The following IQGAP2 variants were observed in gnomAD, a reference collection of about 807,000 sequenced individuals.
IQGAP2 encodes ras GTPase-activating-like protein IQGAP2.
IQGAP2 carries 173 observed loss-of-function variants against 201.3 expected under a neutral mutation model. The observed-to-expected ratio is 0.86, with a 90% CI of 0.76 to 0.98. IQGAP2 has a LOEUF of 0.98. IQGAP2 is among the 50% of genes least tolerant of loss of function. The pLI is 0.00. For missense variants in IQGAP2, 1,687 were observed against 1,864.8 expected (o/e 0.90, Z 1.76); for synonymous variants, 675 against 673.9 (o/e 1.00, Z -0.03).
chr5:76,511,686 G>GTTTTGT (rs371983527), intron 2 of IQGAP2, among the ~76,000 whole-genome samples: 1 of 141,330 alleles, frequency 7.1e-6, no homozygotes, highest in Non-Finnish European at 1.5e-5. Flanking sequence ...GTTTTGTTTT[G>GTTTTGT]TTTTTTTTTT....
At chr5:76,429,626 T>A (rs4585420) in intron 1 of IQGAP2, among the ~76,000 whole-genome samples, 104,074 of 142,978 alleles carry the variant, frequency 0.73, 40,625 homozygotes, top group Non-Finnish European at 0.87. Context: ...ATATATAAAT[T>A]TATATATATA....
intron 2 of IQGAP2, among the ~76,000 whole-genome samples, chr5:76,482,281 C>T (rs892747554): frequency 1.3e-5 from 2 of 152,214 alleles, no homozygotes; most frequent in African/African-American, 2.4e-5. Context: ...TAGCCTCTTG[C>T]TTTGTTCCTG....
At chr5:76,682,980 C>T in intron 28 of IQGAP2, 135 bp from the exon 29 acceptor site, 1 of 511,178 alleles carries the variant, frequency 2.0e-6, no homozygotes, top group Non-Finnish European at 3.5e-6. Flanking sequence ...ATCTATGTCT[C>T]TAATTTTTAT....
intron 2 of IQGAP2, among the ~76,000 whole-genome samples, chr5:76,531,008 G>A (rs1759257908): frequency 6.6e-6 from 1 of 152,124 alleles, no homozygotes; most frequent in African/African-American, 2.4e-5. Context: ...CTGACAGATG[G>A]GCTCTGTATT....
In IQGAP2 at chr5:76,438,644, T is replaced by C. The variant is rs955072008; in HGVS notation, c.47-22926T>C. On this transcript the variant is annotated intron_variant, in intron 1 of 35. Transcript: ENST00000274364. ...TTTTAGCAGAGATGGACTTTCACCATGTTGGCCAGGATGGTCTCAAACTCC... is the reference window on the plus strand; with the variant it reads ...TTTTAGCAGAGATGGACTTTCACCACGTTGGCCAGGATGGTCTCAAACTCC... Among the ~76,000 whole-genome samples, 33 of 152,114 alleles carry C rather than the reference T, an allele frequency of 2.2e-4. 1 individual carries two copies. Among genetic ancestry groups the C allele is most frequent in the African/African-American group, 8.0e-4 (33 of 41,424 alleles).
chr5:76,411,205 T>C (rs565105944), intron 1 of IQGAP2, among the ~76,000 whole-genome samples: 1 of 152,224 alleles, frequency 6.6e-6, no homozygotes, highest in African/African-American at 2.4e-5. Context: ...TTCTGATATA[T>C]AGTTACTCTT....
intron 17 of IQGAP2, among the ~76,000 whole-genome samples, chr5:76,651,137 A>T (rs1273469642): frequency 2.0e-5 from 3 of 152,128 alleles, no homozygotes; most frequent in African/African-American, 7.2e-5. Flanking sequence ...TCCCAAAATT[A>T]CTCTGACTAC....
rs192645922 is a variant in IQGAP2, at chr5:76,595,224, G to T, written c.908-2215G>T. Among the ~76,000 whole-genome samples, 61 of 142,528 alleles carry T rather than the reference G, an allele frequency of 4.3e-4. No homozygotes were observed. In the Middle Eastern group the frequency reaches 0.016, roughly 37 times the overall value. 93.5% of individuals were successfully genotyped at this position (142,528 alleles called of 152,430 possible). Reference sequence around the variant, plus strand: ...ATATTTTCTGTTAAGATCAGAGCTGGACATTTTGCATTTCTTTGCTTTTTT... The same window carrying T: ...ATATTTTCTGTTAAGATCAGAGCTGTACATTTTGCATTTCTTTGCTTTTTT... On this transcript the variant is annotated intron_variant, in intron 9 of 35. Transcript: ENST00000274364.
intron 10 of IQGAP2, among the ~76,000 whole-genome samples, chr5:76,600,075 G>T (rs571127988): frequency 6.6e-6 from 1 of 152,106 alleles, no homozygotes; most frequent in African/African-American, 2.4e-5. Flanking sequence ...TTGAACCTGG[G>T]AGGCGGAGGC....
At chr5:76,416,163 A>G (rs1751394314) in intron 1 of IQGAP2, among the ~76,000 whole-genome samples, 1 of 152,176 alleles carries the variant, frequency 6.6e-6, no homozygotes, top group South Asian at 2.1e-4. Context: ...TATAAGGTGG[A>G]ATTTACATAG....
rs11390573 is a variant in IQGAP2, at chr5:76,547,618, T to TA, written c.147-14777dup. Among the ~76,000 whole-genome samples, 851 of 152,330 alleles carry TA rather than the reference T, an allele frequency of 5.6e-3. 6 individuals are homozygous for TA. The highest frequency in any genetic ancestry group is 0.018 in the East Asian group (92 of 5,188). Reference sequence around the variant, plus strand: ...TCTGCTTCATCAAGTCTTAAGTTGTTATTTAGACCAAAATGTATGCGTAAG... The same window carrying TA: ...TCTGCTTCATCAAGTCTTAAGTTGTTAATTTAGACCAAAATGTATGCGTAAG... On this transcript the variant is annotated intron_variant, in intron 2 of 35. Coordinates refer to ENST00000274364, the MANE Select transcript of IQGAP2 (RefSeq NM_006633.5).
intron 11 of IQGAP2, among the ~76,000 whole-genome samples, chr5:76,601,313 T>G (rs1359169363): frequency 6.6e-6 from 1 of 152,220 alleles, no homozygotes. Flanking sequence ...GAAGCAACTT[T>G]AATAATCATC....
chr5:76,590,239 T>C (rs79151001), intron 7 of IQGAP2, among the ~76,000 whole-genome samples, 169 bp from the exon 8 acceptor site: 2,679 of 152,312 alleles, frequency 0.018, 64 homozygotes, highest in African/African-American at 0.056. Context: ...GACAGCCATG[T>C]GGAGAGGTTG....
chr5:76,555,654 A>T (rs899661887), intron 2 of IQGAP2, among the ~76,000 whole-genome samples: 1 of 152,200 alleles, frequency 6.6e-6, no homozygotes, highest in African/African-American at 2.4e-5. Context: ...AAGGTTCAGT[A>T]GTGTAGGCTG....
In IQGAP2 at chr5:76,410,813, C is replaced by T. The variant is rs143270150; in HGVS notation, c.46+7222C>T. On this transcript the variant is annotated intron_variant, in intron 1 of 35. Coordinates refer to ENST00000274364, the MANE Select transcript of IQGAP2 (RefSeq NM_006633.5). Reference sequence around the variant, plus strand: ...GCATCCCAGTTTTATTGAAGAATGACTTAGACTGTGTTTCCAATTCATTGG... The same window carrying T: ...GCATCCCAGTTTTATTGAAGAATGATTTAGACTGTGTTTCCAATTCATTGG... 8.5e-5 allele frequency among the ~76,000 whole-genome samples: 13 copies of T among 152,320 alleles called. No homozygotes were observed. In the East Asian group the frequency reaches 2.5e-3, roughly 29 times the overall value.
chr5:76,576,579 C>G (rs921943590), intron 5 of IQGAP2, among the ~76,000 whole-genome samples: 4 of 152,216 alleles, frequency 2.6e-5, no homozygotes, highest in Non-Finnish European at 4.4e-5. Context: ...ATTTTCCTGG[C>G]AGAGTACTCT....
intron 2 of IQGAP2, among the ~76,000 whole-genome samples, chr5:76,496,774 TTTC>T (rs1382696203): frequency 9.4e-6 from 1 of 106,454 alleles, no homozygotes; most frequent in African/African-American, 4.4e-5. Flanking sequence ...TCTTTCTTTC[TTTC>T]TTTCTTTCTT....
chr5:76,432,446 TA>T (rs1752427700), intron 1 of IQGAP2, among the ~76,000 whole-genome samples: 1 of 152,176 alleles, frequency 6.6e-6, no homozygotes, highest in Non-Finnish European at 1.5e-5. Flanking sequence ...ATTTCTGAGC[TA>T]ATCTTCTGGG....
In IQGAP2 at chr5:76,623,149, C is replaced by T; in HGVS notation, c.1522-4261C>T. 5 of 1,613,610 alleles carry T rather than the reference C, an allele frequency of 3.1e-6. No homozygotes were observed. The South Asian group carries it at 3.3e-5, about 11-fold the overall frequency. ...AGAAACCCACATCCCCATCCTACCC[C>T]CTGAGAAAATTGCTTACCACTCTGA... On this transcript the variant is annotated intron_variant, in intron 13 of 35. Transcript: ENST00000274364.
Sources: allele counts gnomAD v4.1 joint callset (sites outside exome capture counted in the v4.1 genomes callset), GRCh38; gene constraint gnomAD v4.1.1; transcripts MANE v1.5; gene names NCBI Gene and HGNC (gene_info 2026-07-23, HGNC 2026-07-21).